Variants in KIAA1549L observed in about 807,000 individuals in gnomAD.
The protein encoded by KIAA1549L is UPF0606 protein KIAA1549L.
Under a neutral mutation model 160.7 loss-of-function variants are expected in KIAA1549L, and 88 were observed. That is an observed-to-expected ratio of 0.55 (90% CI 0.46 to 0.65). KIAA1549L has a LOEUF of 0.65. Ranked by LOEUF, KIAA1549L falls within the 30% of genes least tolerant of loss-of-function variation. The probability of loss-of-function intolerance (pLI) is 0.00; values close to 1 mark genes in which losing one functional copy is unlikely to be tolerated. For synonymous variants in KIAA1549L, 950 were observed against 976.7 expected, an observed-to-expected ratio of 0.97 and a Z score of 0.51; for missense variants, 2,258 against 2,437.5, an observed-to-expected ratio of 0.93 and a Z score of 1.55.
At chr11:33,562,825 C>T (rs1373783653) in intron 8 of KIAA1549L, among the ~76,000 whole-genome samples, 2 of 151,792 alleles carry the variant, frequency 1.3e-5, no homozygotes, top group Non-Finnish European at 2.9e-5. Flanking sequence ...ATTACAGGCA[C>T]ACACCACCAT....
At chr11:33,557,970 G>A (rs1006565960) in intron 6 of KIAA1549L, among the ~76,000 whole-genome samples, 1 of 152,088 alleles carries the variant, frequency 6.6e-6, no homozygotes, top group Non-Finnish European at 1.5e-5. Flanking sequence ...GGGAAAAAGT[G>A]GGAAATAAAA....
rs1852718504 is a variant in KIAA1549L, at chr11:33,673,437, A to G, written c.*5283A>G. 6.6e-6 allele frequency: 1 copy of G among 152,140 alleles called. No homozygotes were observed. Among genetic ancestry groups the G allele is most frequent in the Admixed American group, 6.5e-5 (1 of 15,276 alleles). 9.4% of individuals were successfully genotyped at this position (152,140 alleles called of 1,614,324 possible). A position where few individuals can be genotyped will look rare whatever the true frequency, so the allele number is the denominator to read the frequency against. On this transcript the variant is annotated 3_prime_UTR_variant, in exon 21 of 21. Coordinates refer to ENST00000658780, the MANE Select transcript of KIAA1549L (RefSeq NM_012194.3). The stretch of plus-strand genomic sequence containing the variant: ...CATCTCACACACAAACTGAGAAAAG[A>G]TTTGTATCAAACAGAATCAGAGGCA...
chr11:33,511,769 A>G (rs906477243), intron 1 of KIAA1549L, among the ~76,000 whole-genome samples: 2 of 152,186 alleles, frequency 1.3e-5, no homozygotes. Context: ...CACAAGCTTA[A>G]GTGCCAAGTG....
At chr11:33,502,328 C>G (rs1182284722) in intron 1 of KIAA1549L, among the ~76,000 whole-genome samples, 2 of 152,112 alleles carry the variant, frequency 1.3e-5, no homozygotes, top group Non-Finnish European at 2.9e-5. Context: ...GGAGAGAGAC[C>G]GAATGCCAGT....
intron 1 of KIAA1549L, among the ~76,000 whole-genome samples, chr11:33,432,261 G>A (rs1053274859): frequency 6.6e-5 from 10 of 152,336 alleles, no homozygotes; most frequent in Admixed American, 4.6e-4. Flanking sequence ...AGGAGGCGCC[G>A]AGAGCAAACG....
At chr11:33,643,860 A>G (rs1317154950) in intron 16 of KIAA1549L, among the ~76,000 whole-genome samples, 1 of 152,216 alleles carries the variant, frequency 6.6e-6, no homozygotes, top group Non-Finnish European at 1.5e-5. Flanking sequence ...TTCGTGTTCT[A>G]GAAGGTATCG....
chr11:33,621,258 C>G (rs893221243), intron 16 of KIAA1549L, among the ~76,000 whole-genome samples: 2 of 152,162 alleles, frequency 1.3e-5, no homozygotes, highest in Admixed American at 1.3e-4. Flanking sequence ...TCCCATAGAA[C>G]AAGAGTTATT....
chr11:33,388,257 A>T (rs1050638757), intron 1 of KIAA1549L, among the ~76,000 whole-genome samples: 9 of 152,326 alleles, frequency 5.9e-5, no homozygotes, highest in African/African-American at 2.2e-4. Flanking sequence ...TCTTCTTCAT[A>T]TGATGGCAGG....
chr11:33,534,384 C>T (rs1853845673), intron 1 of KIAA1549L, among the ~76,000 whole-genome samples: 1 of 151,962 alleles, frequency 6.6e-6, no homozygotes. Flanking sequence ...TGAGCCACCG[C>T]ACCTGGCCGC....
At chr11:33,519,704 G>A (rs555487111) in intron 1 of KIAA1549L, among the ~76,000 whole-genome samples, 2 of 152,202 alleles carry the variant, frequency 1.3e-5, no homozygotes, top group South Asian at 4.2e-4. Flanking sequence ...TTCTTTAGAG[G>A]GGGGTACATC....
intron 1 of KIAA1549L, among the ~76,000 whole-genome samples, chr11:33,407,342 C>CCTTTTT (rs745812230): frequency 1.3e-5 from 2 of 149,420 alleles, no homozygotes; most frequent in African/African-American, 2.5e-5. Context: ...CCTCGGCAGT[C>CCTTTTT]CTTTTTCTTT....
chr11:33,422,064 C>T (rs1026150395), intron 1 of KIAA1549L, among the ~76,000 whole-genome samples: 1 of 152,136 alleles, frequency 6.6e-6, no homozygotes, highest in Admixed American at 6.5e-5. Context: ...CTATCCCTCC[C>T]CCATGAAGTC....
intron 14 of KIAA1549L, 59 bp from the exon 15 acceptor site, chr11:33,609,690 T>G (rs184006040): frequency 2.2e-5 from 30 of 1,347,802 alleles, no homozygotes; most frequent in Non-Finnish European, 3.1e-5. Context: ...CTGGTGAAAG[T>G]CTCCCACCTG....
At chr11:33,622,898 T>C (rs143870542) in intron 16 of KIAA1549L, among the ~76,000 whole-genome samples, 1,957 of 152,336 alleles carry the variant, frequency 0.013, 22 homozygotes, top group Non-Finnish European at 0.019. Flanking sequence ...CGTTGTCTGA[T>C]GTCAAGCCTA....
At chr11:33,630,357 T>C (rs1564931842) in intron 16 of KIAA1549L, among the ~76,000 whole-genome samples, 4 of 152,262 alleles carry the variant, frequency 2.6e-5, no homozygotes, top group Non-Finnish European at 5.9e-5. Context: ...GCCTGGGCAA[T>C]GGCGGGCGCC....
At chr11:33,421,183 G>T (rs180674634) in intron 1 of KIAA1549L, among the ~76,000 whole-genome samples, 1 of 149,624 alleles carries the variant, frequency 6.7e-6, no homozygotes, top group East Asian at 2.0e-4. Context: ...CTCACTCAGG[G>T]GATGGAGGGG....
At position 33,521,783 on chromosome 11, in the gene KIAA1549L, C is replaced by A. The variant is rs1459022207; in HGVS notation, c.239-20019C>A. Among the ~76,000 whole-genome samples the A allele has an allele frequency of 2.0e-5, 3 of 152,146 alleles. No homozygotes were observed. In the East Asian group the frequency reaches 5.8e-4, roughly 29 times the overall value. ...TGGTTCTTTCTCTCTTTGTGGGCACCCCTAGTCCTGATCAGACATCTTGAT... is the reference window on the plus strand; with the variant it reads ...TGGTTCTTTCTCTCTTTGTGGGCACACCTAGTCCTGATCAGACATCTTGAT... On this transcript the variant is annotated intron_variant, in intron 1 of 20. Coordinates refer to ENST00000658780, the MANE Select transcript of KIAA1549L (RefSeq NM_012194.3).
intron 1 of KIAA1549L, among the ~76,000 whole-genome samples, chr11:33,510,722 G>A (rs1853209592): frequency 6.6e-6 from 1 of 152,232 alleles, no homozygotes; most frequent in African/African-American, 2.4e-5. Flanking sequence ...GAGGGTGTGA[G>A]GCTGTGACCT....
rs976304837 is a variant in KIAA1549L at position 33,598,872 on chromosome 11, A to G, written c.4804A>G (p.Ser1602Gly). Residue 1602 changes from serine to glycine, a missense_variant, in exon 13 of 21, where the codon AGC becomes GGC. Coordinates refer to ENST00000658780, the MANE Select transcript of KIAA1549L (RefSeq NM_012194.3). ...SVISNESGKPSSGRRSPQNVM... is the reference protein window; with the variant it reads ...SVISNESGKPGSGRRSPQNVM... Reference sequence around the variant, plus strand: ...CATCAGCAACGAATCAGGGAAGCCCAGCTCAGGGAGACGCTCACCCCAGAA... The same window carrying G: ...CATCAGCAACGAATCAGGGAAGCCCGGCTCAGGGAGACGCTCACCCCAGAA... The G allele has an allele frequency of 3.1e-6, 5 of 1,613,960 alleles. No homozygotes were observed. The highest frequency in any genetic ancestry group is 1.1e-5 in the South Asian group (1 of 91,078).
Sources: allele counts gnomAD v4.1 joint callset (sites outside exome capture counted in the v4.1 genomes callset), GRCh38; gene constraint gnomAD v4.1.1; transcripts MANE v1.5; gene names NCBI Gene and HGNC (gene_info 2026-07-23, HGNC 2026-07-21).